LECT2: variants seen among roughly 807,000 people sequenced by gnomAD.
LECT2 encodes the protein leukocyte cell-derived chemotaxin-2.
Under a neutral mutation model 16.6 loss-of-function variants are expected in LECT2, and 11 were observed. The observed-to-expected ratio is 0.66, with a 90% CI of 0.42 to 1.09. The LOEUF (loss-of-function observed/expected upper bound fraction) is 1.09. Among genes scored for constraint, LECT2 ranks in the 50% least tolerant of loss-of-function variants. LECT2 has a pLI of 0.00. For synonymous variants in LECT2, 54 were observed against 64.8 expected (o/e 0.83, Z 0.80); for missense variants, 173 against 184.2 (o/e 0.94, Z 0.35).
chr5:135,953,212 T>C (rs998507927), intron 1 of LECT2: 21 of 412,950 alleles, frequency 5.1e-5, no homozygotes, highest in Admixed American at 4.9e-4. Flanking sequence ...TACAATTTTT[T>C]TTTTTTTTGG....
chr5:135,948,705 T>C (rs1029055225), intron 3 of LECT2, among the ~76,000 whole-genome samples: 2 of 151,094 alleles, frequency 1.3e-5, no homozygotes, highest in Non-Finnish European at 2.9e-5. Flanking sequence ...GACGGAGTCT[T>C]GCTGTGTCAC....
At position 135,947,380 on chromosome 5, in the gene LECT2, T is replaced by C. The variant is rs1292362430; in HGVS notation, c.407A>G (p.His136Arg). ...CGAGTCACAGTTTTCAATGTGCACA[T>C]GCGATTGTATGCCAGGATAAACTTT... ...LQKVYPGIQSHVHIENCDSSD... is the reference protein window; with the variant it reads ...LQKVYPGIQSRVHIENCDSSD... The change falls in exon 4 of 4, where the codon CAT becomes CGT. Residue 136 changes from histidine (H) to arginine (R), a missense_variant. Transcript: ENST00000274507. The C allele has an allele frequency of 2.6e-5, 42 of 1,613,948 alleles. No homozygotes were observed. The East Asian group carries it at 9.4e-4, about 36-fold the overall frequency.
chr5:135,949,886 C>T (rs1763765785), intron 3 of LECT2, among the ~76,000 whole-genome samples: 2 of 152,212 alleles, frequency 1.3e-5, no homozygotes, highest in African/African-American at 4.8e-5. Context: ...ACCATGATTA[C>T]TAGCCAGTGT....
intron 3 of LECT2, among the ~76,000 whole-genome samples, chr5:135,948,097 AAG>A (rs1207068458): frequency 6.7e-6 from 1 of 149,436 alleles, no homozygotes; most frequent in African/African-American, 2.4e-5. Flanking sequence ...AAGATTTGCC[AAG>A]CACATGGACA....
Position 135,951,382 on chromosome 5 carries a change from A to G in LECT2, c.144-14T>C, listed in dbSNP as rs1301244994. ...GGCCTCTGACTTCTAGGATGTAAAT[A>G]AGAACGAACAGACTGAGGAACTGCC... On this transcript the variant is annotated splice_polypyrimidine_tract_variant and intron_variant, in intron 2 of 3. Transcript: ENST00000274507. 1.2e-6 allele frequency: 2 copies of G among 1,611,330 alleles called. No individual in the cohort carries two copies. Among genetic ancestry groups the G allele is most frequent in the Non-Finnish European group, 1.7e-6 (2 of 1,178,356 alleles).
intron 3 of LECT2, 194 bp downstream of exon 3, chr5:135,951,029 C>T (rs1292749347): frequency 1.7e-6 from 1 of 599,340 alleles, no homozygotes; most frequent in Non-Finnish European, 2.9e-6. Context: ...CAAATGTGCA[C>T]ATGTACCCCT....
chr5:135,951,564 T>C (rs930944907), intron 2 of LECT2, 196 bp from the exon 3 acceptor site: 1 of 499,784 alleles, frequency 2.0e-6, no homozygotes, highest in African/African-American at 1.9e-5. Flanking sequence ...CTAATAACCA[T>C]ATCATAAAGA....
In LECT2 at chr5:135,950,591, T is replaced by C. The variant is rs574896944; in HGVS notation, c.289+632A>G. Among the ~76,000 whole-genome samples, 17 of 151,860 alleles carry C rather than the reference T, an allele frequency of 1.1e-4. No homozygotes were observed. In the South Asian group the frequency reaches 3.5e-3, roughly 31 times the overall value. On this transcript the variant is annotated intron_variant, in intron 3 of 3. Coordinates refer to ENST00000274507, the MANE Select transcript of LECT2 (RefSeq NM_002302.3). The stretch of plus-strand genomic sequence containing the variant: ...CACTTTTATGTGTGTATTTATACCT[T>C]GATGGAGTAACCAAACAACAAAACC...
At chr5:135,953,021 C>T (rs1008995431) in intron 1 of LECT2, 54 bp from the exon 2 acceptor site, 1 of 1,212,300 alleles carries the variant, frequency 8.2e-7, no homozygotes, top group Non-Finnish European at 1.2e-6. Context: ...TTTCCTATCC[C>T]CATTTGCCTT....
chr5:135,948,105 G>A (rs940337354), intron 3 of LECT2, among the ~76,000 whole-genome samples: 6 of 150,878 alleles, frequency 4.0e-5, no homozygotes, highest in African/African-American at 1.5e-4. Context: ...CCAAGCACAT[G>A]GACAAAGATT....
chr5:135,954,386 A>C (rs1481022935), intron 1 of LECT2, among the ~76,000 whole-genome samples: 1 of 152,198 alleles, frequency 6.6e-6, no homozygotes, highest in Non-Finnish European at 1.5e-5. Flanking sequence ...TCCTTCGGTG[A>C]GTATTAAGGG....
chr5:135,951,913 C>A (rs1189425797), intron 2 of LECT2, among the ~76,000 whole-genome samples: 1 of 152,106 alleles, frequency 6.6e-6, no homozygotes, highest in Non-Finnish European at 1.5e-5. Context: ...TAGATTGTGA[C>A]GTGCCTTGAG....
rs1482759550 is a variant in LECT2, at chr5:135,952,944, T to C, written c.70A>G (p.Ile24Val). 4.3e-6 allele frequency: 7 copies of C among 1,613,800 alleles called. No individual in the cohort carries two copies. The East Asian group carries it at 1.6e-4, about 36-fold the overall frequency. ...TCATTGGAAGACTTGCCAGCACATA[T>C]ATTAGCCCATGGCCCTGCCAGTGCT... ...STALAGPWAN[I>V]CAGKSSNEIR... The change falls in exon 2 of 4, where the codon ATA becomes GTA. Residue 24 changes from isoleucine to valine, a missense_variant. By Grantham distance (29) the Ile-to-Val change is conservative. Coordinates refer to ENST00000274507, the MANE Select transcript of LECT2 (RefSeq NM_002302.3).
chr5:135,951,344 CA>C lies in LECT2; in HGVS notation c.167del (p.Val56GlyfsTer18). The C allele has an allele frequency of 6.2e-7, 1 of 1,613,794 alleles. No homozygotes were observed. The highest frequency in any genetic ancestry group is 1.1e-5 in the South Asian group (1 of 90,966). Reference sequence around the variant, plus strand: ...TAGATCCAGCAGAGCACAAGATGTCCACACCCTGGTGAGGCCTCTGACTTCT... The same window carrying C: ...TAGATCCAGCAGAGCACAAGATGTCCCACCCTGGTGAGGCCTCTGACTTCT... ...AQRSQRPHQGVDILCSAGSTV... is the reference protein window; with the variant it reads ...AQRSQRPHQGXDILCSAGSTV... On this transcript the variant is annotated frameshift_variant, in exon 3 of 4. Transcript: ENST00000274507. LOFTEE classifies it high-confidence loss of function.
Position 135,954,945 on chromosome 5 carries a change from G to T in LECT2, c.-112C>A. 1.3e-6 allele frequency: 1 copy of T among 786,292 alleles called. No homozygotes were observed. Among genetic ancestry groups the T allele is most frequent in the Non-Finnish European group, 2.1e-6 (1 of 466,428 alleles). The allele number at this position is 786,292 out of a possible 1,614,324, so 48.7% of individuals were successfully genotyped here. On this transcript the variant is annotated 5_prime_UTR_variant, in exon 1 of 4. Transcript: ENST00000274507. ...CCTAGCTATTTAGCCTTAGAATTCT[G>T]CATCTCTCATTTCTTTAGTGTGAGA...
At chr5:135,951,828 G>C (rs1357615813) in intron 2 of LECT2, among the ~76,000 whole-genome samples, 1 of 152,152 alleles carries the variant, frequency 6.6e-6, no homozygotes, top group Non-Finnish European at 1.5e-5. Flanking sequence ...GTCACTTACT[G>C]TATATGGTAT....
Sources: allele counts gnomAD v4.1 joint callset (sites outside exome capture counted in the v4.1 genomes callset), GRCh38; gene constraint gnomAD v4.1.1; transcripts MANE v1.5; gene names NCBI Gene and HGNC (gene_info 2026-07-23, HGNC 2026-07-21).